The following SGK1 variants were observed in gnomAD, a reference collection of about 807,000 sequenced individuals.
SGK1 encodes serum/glucocorticoid regulated kinase 1.
In SGK1, 26 loss-of-function variants were observed where a neutral mutation model predicts 64.2. The ratio of observed to expected loss-of-function variants is 0.40; its 90% CI spans 0.30 to 0.56. The LOEUF (loss-of-function observed/expected upper bound fraction) is 0.56. Ranked by LOEUF, SGK1 falls within the 20% of genes least tolerant of loss-of-function variation. The pLI is 0.38. For synonymous variants in SGK1, 265 were observed against 239.7 expected, an observed-to-expected ratio of 1.11 and a Z score of -0.98; for missense variants, 519 against 645.6, an observed-to-expected ratio of 0.80 and a Z score of 2.12.
intron 13 of SGK1, 120 bp downstream of exon 13, chr6:134,170,706 A>G: frequency 3.9e-6 from 3 of 772,692 alleles, no homozygotes; most frequent in Non-Finnish European, 6.4e-6. Context: ...TAGGTAAAAT[A>G]ACAGGTTTAT....
intron 3 of SGK1, among the ~76,000 whole-genome samples, chr6:134,175,330 C>A (rs1386373201): frequency 6.6e-6 from 1 of 152,118 alleles, no homozygotes; most frequent in African/African-American, 2.4e-5. Flanking sequence ...GGCCGGACTC[C>A]CACCCTCCTC....
chr6:134,311,900 G>A (rs1367592992), intron 1 of SGK1, among the ~76,000 whole-genome samples: 1 of 152,206 alleles, frequency 6.6e-6, no homozygotes, highest in East Asian at 1.9e-4. Flanking sequence ...AGATTTGTTA[G>A]AAAGCATTCC....
intron 2 of SGK1, chr6:134,260,031 C>T (rs996619574): frequency 6.6e-6 from 1 of 152,102 alleles, no homozygotes; most frequent in Non-Finnish European, 1.5e-5. Context: ...TCATATCAAT[C>T]TCATTTGATT....
intron 1 of SGK1, among the ~76,000 whole-genome samples, chr6:134,266,036 T>G (rs1170319819): frequency 6.6e-6 from 1 of 151,970 alleles, no homozygotes; most frequent in African/African-American, 2.4e-5. Flanking sequence ...CAGGCTGGAG[T>G]GCAGTGGCGC....
intron 1 of SGK1, among the ~76,000 whole-genome samples, chr6:134,265,869 G>A (rs1260335012): frequency 6.6e-6 from 1 of 151,566 alleles, no homozygotes; most frequent in East Asian, 1.9e-4. Flanking sequence ...TAGAACTCCT[G>A]GGCTCAAGTG....
chr6:134,231,684 C>A (rs546486408), intron 2 of SGK1, among the ~76,000 whole-genome samples: 1 of 152,234 alleles, frequency 6.6e-6, no homozygotes, highest in South Asian at 2.1e-4. Context: ...GTACTTAATG[C>A]AGAAATGGTT....
chr6:134,197,016 T>C (rs1287354691), intron 3 of SGK1, among the ~76,000 whole-genome samples: 1 of 152,150 alleles, frequency 6.6e-6, no homozygotes, highest in South Asian at 2.1e-4. Context: ...ACAGATCACT[T>C]GAGCTTAGGA....
At chr6:134,235,430 TA>T (rs2114718590) in intron 2 of SGK1, among the ~76,000 whole-genome samples, 1 of 152,198 alleles carries the variant, frequency 6.6e-6, no homozygotes, top group African/African-American at 2.4e-5. Flanking sequence ...GATGAAAATG[TA>T]ACTTCAAACC....
intron 3 of SGK1, chr6:134,174,869 C>T (rs1775169843): frequency 1.2e-6 from 2 of 1,609,440 alleles, no homozygotes; most frequent in Non-Finnish European, 1.7e-6. Flanking sequence ...TATGCTGCGC[C>T]AGGCCGCGCG....
chr6:134,221,519 T>G (rs2114702683), intron 2 of SGK1, among the ~76,000 whole-genome samples: 1 of 152,322 alleles, frequency 6.6e-6, no homozygotes, highest in Non-Finnish European at 1.5e-5. Flanking sequence ...TTTGTTTAAA[T>G]GGAAACTTTG....
chr6:134,272,141 C>CTTTTTTTT (rs369377380), intron 1 of SGK1, among the ~76,000 whole-genome samples: 1 of 129,458 alleles, frequency 7.7e-6, no homozygotes, highest in Admixed American at 8.2e-5. Context: ...CGTGCCCAGC[C>CTTTTTTTT]TTTTTTTTTT....
chr6:134,206,369 ATATATATATATATATTTTTTTT>A (rs1775778837), intron 3 of SGK1, among the ~76,000 whole-genome samples: 2 of 7,490 alleles, frequency 2.7e-4, no homozygotes, highest in Non-Finnish European at 1.0e-3. Flanking sequence ...ATATATATAT[ATATATATATATATATTTTTTTT>A]TTTTTTTTTT....
intron 2 of SGK1, among the ~76,000 whole-genome samples, chr6:134,243,824 G>C (rs374933841): frequency 1.3e-5 from 2 of 152,048 alleles, no homozygotes; most frequent in Non-Finnish European, 2.9e-5. Context: ...GATAATTGTT[G>C]TTTGTGGTTT....
At chr6:134,267,473 T>C (rs933949587) in intron 1 of SGK1, among the ~76,000 whole-genome samples, 1 of 152,000 alleles carries the variant, frequency 6.6e-6, no homozygotes, top group Admixed American at 6.6e-5. Flanking sequence ...ATTTATTTTT[T>C]GGAGAGACGG....
chr6:134,197,863 TTAAAATAAAATAAAATATAAAA>T (rs1305656727), intron 3 of SGK1, among the ~76,000 whole-genome samples: 5 of 140,134 alleles, frequency 3.6e-5, no homozygotes, highest in Middle Eastern at 3.6e-3. Context: ...TAAAATTAAA[TTAAAATAAAATAAAATATAAAA>T]TAAAATAAAA....
chr6:134,262,229 T>A, intron 1 of SGK1, 81 bp from the exon 2 acceptor site: 2 of 1,020,402 alleles, frequency 2.0e-6, no homozygotes, highest in Non-Finnish European at 2.9e-6. Context: ...GGAAATCTGG[T>A]GGGATGGGAG....
chr6:134,171,231 A>C, intron 11 of SGK1, 53 bp from the exon 12 acceptor site: 1 of 1,513,132 alleles, frequency 6.6e-7, no homozygotes, highest in East Asian at 2.3e-5. Context: ...CATATGGCAC[A>C]CATTACCAGT....
chr6:134,239,277 C>T (rs751099273), intron 2 of SGK1, among the ~76,000 whole-genome samples: 5 of 152,242 alleles, frequency 3.3e-5, no homozygotes, highest in African/African-American at 9.6e-5. Context: ...TCTGATAATA[C>T]ACCACCTTCT....
intron 2 of SGK1, chr6:134,230,410 G>A (rs997833581): frequency 6.6e-6 from 1 of 152,156 alleles, no homozygotes; most frequent in African/African-American, 2.4e-5. Context: ...AGTTCATCAT[G>A]GCTGGAGAGG....
Sources: gnomAD v4.1 joint callset for allele counts (sites outside exome capture counted in the v4.1 genomes callset) on GRCh38, gnomAD v4.1.1 for gene constraint, MANE v1.5 for transcripts, NCBI Gene and HGNC (gene_info 2026-07-23, HGNC 2026-07-21) for gene names.